AGBL1: variants seen among roughly 807,000 people sequenced by gnomAD.
AGBL1 encodes cytosolic carboxypeptidase 4.
Under a neutral mutation model 118.9 loss-of-function variants are expected in AGBL1, and 130 were observed. The observed-to-expected ratio is 1.09, with a 90% CI of 0.95 to 1.26. The LOEUF (loss-of-function observed/expected upper bound fraction) is 1.26. Ranked by LOEUF, AGBL1 falls within the 50% of genes most tolerant of loss-of-function variation. AGBL1 has a pLI of 0.00. For synonymous variants in AGBL1, 555 were observed against 478.9 expected (o/e 1.16, Z -2.08); for missense variants, 1,584 against 1,298.1 (o/e 1.22, Z -3.38).
rs184773027 is a variant in AGBL1 at position 86,620,409 on chromosome 15, T to C, written c.2995-53864T>C. 1.4e-4 allele frequency among the ~76,000 whole-genome samples: 21 copies of C among 152,360 alleles called. 1 individual carries two copies. The highest frequency in any genetic ancestry group is 8.3e-4 in the South Asian group (4 of 4,828). On this transcript the variant is annotated intron_variant, in intron 21 of 22. Coordinates refer to ENST00000614907, the MANE Select transcript of AGBL1 (RefSeq NM_001386094.1). ...CGCTGTCAGGAGGTTGCGCTGAGAC[T>C]TTGTGAATGATCCTTTGTGGATTGC...
At chr15:86,426,503 C>A (rs1255336518) in intron 18 of AGBL1, among the ~76,000 whole-genome samples, 2 of 152,176 alleles carry the variant, frequency 1.3e-5, no homozygotes, top group African/African-American at 4.8e-5. Flanking sequence ...TACCTTTGGT[C>A]CTAACTACAA....
intron 21 of AGBL1, among the ~76,000 whole-genome samples, chr15:86,617,764 A>G (rs1333978689): frequency 0.026 from 2,224 of 84,350 alleles, 55 homozygotes; most frequent in African/African-American, 0.097. Context: ...TTATGCGCAC[A>G]CACACACACA....
chr15:86,684,766 G>C (rs990725622), intron 22 of AGBL1, among the ~76,000 whole-genome samples: 3 of 151,980 alleles, frequency 2.0e-5, no homozygotes, highest in African/African-American at 7.3e-5. Context: ...TTAACATTAG[G>C]GAATCTCCTT....
chr15:86,621,091 C>T (rs907418758), intron 21 of AGBL1, among the ~76,000 whole-genome samples: 3 of 152,280 alleles, frequency 2.0e-5, no homozygotes, highest in African/African-American at 7.2e-5. Context: ...GTCTTCTTTG[C>T]ACTTTGGCCA....
chr15:86,120,179 T>C (rs146878303), intron 1 of AGBL1, among the ~76,000 whole-genome samples: 27 of 152,304 alleles, frequency 1.8e-4, no homozygotes, highest in Admixed American at 1.3e-4. Flanking sequence ...TGCTTTCTCC[T>C]GCATGTACTT....
chr15:86,814,055 G>A (rs1056434455), intron 22 of AGBL1, among the ~76,000 whole-genome samples: 1 of 152,130 alleles, frequency 6.6e-6, no homozygotes, highest in Admixed American at 6.5e-5. Flanking sequence ...TTAGACCGGG[G>A]TTCCCAACCC....
chr15:86,845,278 T>C (rs1030268376), intron 22 of AGBL1, among the ~76,000 whole-genome samples: 2 of 152,136 alleles, frequency 1.3e-5, no homozygotes, highest in African/African-American at 4.8e-5. Flanking sequence ...TTTTAATACA[T>C]GAATAAGGGT....
intron 23 of AGBL1, among the ~76,000 whole-genome samples, chr15:86,937,150 T>G (rs192364444): frequency 6.6e-6 from 1 of 152,272 alleles, no homozygotes; most frequent in East Asian, 1.9e-4. Context: ...AGTCTGAAAG[T>G]AACAGATGCT....
At chr15:86,549,914 A>G (rs934486044) in intron 20 of AGBL1, among the ~76,000 whole-genome samples, 1 of 150,446 alleles carries the variant, frequency 6.6e-6, no homozygotes. Context: ...GGAAGGAAGG[A>G]AGGAAGGAAG....
chr15:86,274,598 C>A (rs183023033), intron 15 of AGBL1, among the ~76,000 whole-genome samples: 2 of 152,284 alleles, frequency 1.3e-5, no homozygotes, highest in Non-Finnish European at 2.9e-5. Context: ...CCCACTTCTC[C>A]CTTTGGAGAC....
intron 18 of AGBL1, among the ~76,000 whole-genome samples, chr15:86,511,507 C>A (rs1007299799): frequency 8.5e-5 from 13 of 152,158 alleles, no homozygotes; most frequent in African/African-American, 3.1e-4. Context: ...ACTGTCCTCT[C>A]TGTTACATAG....
chr15:86,561,294 T>G (rs1240708045), intron 21 of AGBL1, among the ~76,000 whole-genome samples: 1 of 152,258 alleles, frequency 6.6e-6, no homozygotes, highest in Admixed American at 6.5e-5. Flanking sequence ...GCTTTAGGTC[T>G]AACATTTAAG....
At chr15:86,486,114 A>G (rs942672264) in intron 18 of AGBL1, among the ~76,000 whole-genome samples, 3 of 152,098 alleles carry the variant, frequency 2.0e-5, no homozygotes, top group African/African-American at 7.2e-5. Context: ...GGAGATAATT[A>G]TATAATGGCT....
intron 16 of AGBL1, among the ~76,000 whole-genome samples, chr15:86,293,907 A>T (rs901552971): frequency 5.5e-4 from 83 of 152,046 alleles, no homozygotes; most frequent in African/African-American, 2.0e-3. Context: ...TGTGGAAAAA[A>T]CTTTCTACAT....
chr15:86,923,969 A>G (rs1186668028), intron 23 of AGBL1, among the ~76,000 whole-genome samples: 4 of 152,336 alleles, frequency 2.6e-5, no homozygotes, highest in Admixed American at 2.6e-4. Flanking sequence ...ACTCTAGATA[A>G]TACATCAAAA....
At chr15:86,647,716 AAT>A (rs2085308116) in intron 21 of AGBL1, among the ~76,000 whole-genome samples, 2 of 152,188 alleles carry the variant, frequency 1.3e-5, no homozygotes, top group Non-Finnish European at 2.9e-5. Context: ...ACAAAAAGAA[AAT>A]ATGTTAAATT....
At chr15:86,151,010 G>C (rs1013631059) in intron 3 of AGBL1, among the ~76,000 whole-genome samples, 11 of 152,012 alleles carry the variant, frequency 7.2e-5, no homozygotes, top group African/African-American at 2.7e-4. Context: ...GTAGGGACAT[G>C]GATGAAATTG....
chr15:86,551,841 C>T (rs11073644), intron 20 of AGBL1, among the ~76,000 whole-genome samples: 81,660 of 151,914 alleles, frequency 0.54, 22,459 homozygotes, highest in East Asian at 0.75. Flanking sequence ...TGAAGAGACA[C>T]GGAAGAACCT....
At chr15:86,346,025 C>G (rs1279952388) in intron 17 of AGBL1, among the ~76,000 whole-genome samples, 1 of 151,930 alleles carries the variant, frequency 6.6e-6, no homozygotes, top group Non-Finnish European at 1.5e-5. Flanking sequence ...TCTTGTTGCC[C>G]AGGCTGGAGT....
Sources: allele counts gnomAD v4.1 joint callset (sites outside exome capture counted in the v4.1 genomes callset), GRCh38; gene constraint gnomAD v4.1.1; transcripts MANE v1.5; gene names NCBI Gene and HGNC (gene_info 2026-07-23, HGNC 2026-07-21).